Variants in C10orf90 observed in about 807,000 individuals in gnomAD.
C10orf90 encodes the protein (E2-independent) E3 ubiquitin-conjugating enzyme FATS.
In C10orf90, 56 loss-of-function variants were observed where a neutral mutation model predicts 62.5. The observed-to-expected ratio is 0.90, with a 90% CI of 0.72 to 1.12. The LOEUF (loss-of-function observed/expected upper bound fraction) is 1.12. Among genes scored for constraint, C10orf90 ranks in the 50% most tolerant of loss-of-function variants. C10orf90 has a pLI of 0.00. For missense variants in C10orf90, 970 were observed against 880.4 expected, an observed-to-expected ratio of 1.10 and a Z score of -1.29; for synonymous variants, 386 against 340.4, an observed-to-expected ratio of 1.13 and a Z score of -1.47.
chr10:126,649,073 C>CCCCCCCACCT (rs1554932148), intron 1 of C10orf90, among the ~76,000 whole-genome samples: 1 of 51,810 alleles, frequency 1.9e-5, no homozygotes, highest in Non-Finnish European at 4.4e-5. Flanking sequence ...TCTCTCTCTC[C>CCCCCCCACCT]CCCCCCCCCA....
intron 2 of C10orf90, among the ~76,000 whole-genome samples, chr10:126,588,646 A>G (rs1208780382): frequency 6.6e-6 from 1 of 152,216 alleles, no homozygotes; most frequent in Non-Finnish European, 1.5e-5. Context: ...AACAAAAAAC[A>G]GAAAGCAACA....
chr10:126,467,436 G>A (rs2133752368), intron 4 of C10orf90, among the ~76,000 whole-genome samples: 1 of 152,314 alleles, frequency 6.6e-6, no homozygotes, highest in African/African-American at 2.4e-5. Flanking sequence ...ACGTGCGAGT[G>A]GGACCGAGTG....
At chr10:126,552,279 T>C (rs1335665475) in intron 2 of C10orf90, among the ~76,000 whole-genome samples, 1 of 152,198 alleles carries the variant, frequency 6.6e-6, no homozygotes, top group Non-Finnish European at 1.5e-5. Context: ...GTTGAAGGAA[T>C]GAACAGAACA....
At chr10:126,434,074 A>G (rs945883387) in intron 7 of C10orf90, among the ~76,000 whole-genome samples, 1 of 152,196 alleles carries the variant, frequency 6.6e-6, no homozygotes, top group African/African-American at 2.4e-5. Flanking sequence ...GTCTATTGCT[A>G]ATTTAACTTG....
chr10:126,611,014 C>A (rs1845421409), intron 2 of C10orf90, among the ~76,000 whole-genome samples: 1 of 151,860 alleles, frequency 6.6e-6, no homozygotes, highest in African/African-American at 2.4e-5. Context: ...CACAATTCAC[C>A]CATTTGAAGT....
At chr10:126,468,248 T>C (rs1389291716) in intron 4 of C10orf90, among the ~76,000 whole-genome samples, 1 of 152,128 alleles carries the variant, frequency 6.6e-6, no homozygotes, top group Non-Finnish European at 1.5e-5. Flanking sequence ...TTTGTATTTT[T>C]AGTGGAGACG....
intron 2 of C10orf90, among the ~76,000 whole-genome samples, chr10:126,613,752 G>A (rs774476752): frequency 2.6e-5 from 4 of 152,200 alleles, no homozygotes; most frequent in Non-Finnish European, 4.4e-5. Context: ...TCACAAGCAC[G>A]TGACCTTCAG....
Position 126,512,362 on chromosome 10 carries a change from G to GTTC in C10orf90, c.405+1485_405+1486insGAA, listed in dbSNP as rs1564846970. On this transcript the variant is annotated intron_variant, in intron 3 of 9. Transcript: ENST00000488181. ...TATGTGTGTGTGTCTGTGTGTGTGT[G>GTTC]TATGTGTGTCTGTGTGTGTGTGTCT... is the stretch of plus-strand genomic sequence containing the variant. Among the ~76,000 whole-genome samples, 138 of 106,912 alleles carry GTTC rather than the reference G, an allele frequency of 1.3e-3. 1 individual carries two copies. The highest frequency in any genetic ancestry group is 4.6e-3 in the African/African-American group (126 of 27,610). 70.1% of individuals were successfully genotyped at this position (106,912 alleles called of 152,430 possible).
At chr10:126,448,400 T>C (rs1858946231) in intron 7 of C10orf90, among the ~76,000 whole-genome samples, 1 of 152,102 alleles carries the variant, frequency 6.6e-6, no homozygotes, top group Admixed American at 6.5e-5. Flanking sequence ...GTGAAGTTTA[T>C]AGCAGTAAAT....
chr10:126,646,034 G>A (rs1390087666), intron 2 of C10orf90, among the ~76,000 whole-genome samples: 1 of 152,098 alleles, frequency 6.6e-6, no homozygotes, highest in Non-Finnish European at 1.5e-5. Flanking sequence ...TAAATCTGTG[G>A]GATTTTGCTC....
intron 3 of C10orf90, among the ~76,000 whole-genome samples, chr10:126,513,006 T>C (rs945737787): frequency 6.6e-6 from 1 of 152,232 alleles, no homozygotes; most frequent in Non-Finnish European, 1.5e-5. Flanking sequence ...CACTTTAATC[T>C]GTAGTGAGAG....
At chr10:126,588,632 A>G (rs1252998481) in intron 2 of C10orf90, among the ~76,000 whole-genome samples, 1 of 152,156 alleles carries the variant, frequency 6.6e-6, no homozygotes, top group Non-Finnish European at 1.5e-5. Flanking sequence ...AGAAAACAAA[A>G]CAAAACAAAA....
rs143556217 is a variant in C10orf90 at position 126,498,682 on chromosome 10, C to T, written c.1534+5275G>A. 7.7e-3 allele frequency among the ~76,000 whole-genome samples: 1,176 copies of T among 152,320 alleles called. 33 individuals are homozygous for T. Among genetic ancestry groups the T allele is most frequent in the Admixed American group, 0.06 (924 of 15,306 alleles). ...CCTGTAGGAAGAGTGCCCTCGGCGG[C>T]GATCCACCCTATAGGAATTGGCTGA... On this transcript the variant is annotated intron_variant, in intron 4 of 9. Coordinates refer to ENST00000488181, the MANE Select transcript of C10orf90 (RefSeq NM_001350921.2).
At chr10:126,669,530 G>C (rs1846703274) in intron 1 of C10orf90, among the ~76,000 whole-genome samples, 1 of 152,156 alleles carries the variant, frequency 6.6e-6, no homozygotes, top group African/African-American at 2.4e-5. Context: ...TTACAATGTC[G>C]TTCATAATTT....
At position 126,429,772 on chromosome 10, in the gene C10orf90, A is replaced by G. The variant is rs754549625; in HGVS notation, c.2252+15T>C. ...CCCCACCAACTTCTTTGCACACCAT[A>G]CAATAACCAAGTACCTCTTAGATCG... On this transcript the variant is annotated intron_variant, in intron 8 of 9. Transcript: ENST00000488181. 1.2e-6 allele frequency: 2 copies of G among 1,613,364 alleles called. No homozygotes were observed. Among genetic ancestry groups the G allele is most frequent in the Admixed American group, 3.3e-5 (2 of 59,980 alleles).
intron 4 of C10orf90, among the ~76,000 whole-genome samples, chr10:126,486,271 C>A (rs1366737619): frequency 6.6e-6 from 1 of 152,156 alleles, no homozygotes; most frequent in Non-Finnish European, 1.5e-5. Context: ...TGTGGACAAC[C>A]ACAAGCTGGA....
chr10:126,551,696 T>A (rs1437649758), intron 2 of C10orf90, among the ~76,000 whole-genome samples: 1 of 152,212 alleles, frequency 6.6e-6, no homozygotes. Context: ...TCTGAGGACA[T>A]TTTATATATT....
rs1845095171 is a variant in C10orf90 at position 126,596,763 on chromosome 10, A to C, written c.313+49802T>G. 7.2e-5 allele frequency among the ~76,000 whole-genome samples: 11 copies of C among 152,350 alleles called. No homozygotes were observed. In the South Asian group the frequency reaches 2.3e-3, roughly 32 times the overall value. Reference sequence around the variant, plus strand: ...GGTACCCGAAGTATAGTTTCTATTGAATGTGTATCACTTTCACACCATTGT... The same window carrying C: ...GGTACCCGAAGTATAGTTTCTATTGCATGTGTATCACTTTCACACCATTGT... On this transcript the variant is annotated intron_variant, in intron 2 of 9. Transcript: ENST00000488181.
intron 2 of C10orf90, among the ~76,000 whole-genome samples, chr10:126,532,053 C>G (rs547077620): frequency 6.6e-6 from 1 of 152,296 alleles, no homozygotes; most frequent in Non-Finnish European, 1.5e-5. Context: ...TAAACTTAGG[C>G]AGTTGCCCCC....
Sources: gnomAD v4.1 joint callset for allele counts (sites outside exome capture counted in the v4.1 genomes callset) on GRCh38, gnomAD v4.1.1 for gene constraint, MANE v1.5 for transcripts, NCBI Gene and HGNC (gene_info 2026-07-23, HGNC 2026-07-21) for gene names.